SLC44A2: variants seen among roughly 807,000 people sequenced by gnomAD.
The protein encoded by SLC44A2 is solute carrier family 44 member 2 (CTL2 blood group), also known as choline transporter-like protein 2.
In SLC44A2, 57 loss-of-function variants were observed where a neutral mutation model predicts 90.8. That is an observed-to-expected ratio of 0.63 (90% confidence interval 0.51 to 0.78). The LOEUF is 0.78. Ranked by LOEUF, SLC44A2 falls within the 30% of genes least tolerant of loss-of-function variation. The pLI, the probability that SLC44A2 is intolerant of heterozygous loss-of-function variation, is 0.00. For missense variants in SLC44A2, 794 were observed against 919.7 expected (o/e 0.86, Z 1.77); for synonymous variants, 355 against 360.7 (o/e 0.98, Z 0.18).
chr19:10,632,918 C>T (rs2067013236), intron 10 of SLC44A2, among the ~76,000 whole-genome samples: 2 of 151,772 alleles, frequency 1.3e-5, no homozygotes, highest in Admixed American at 6.6e-5. Context: ...GAGATCTGCC[C>T]GCTTCAGCCT....
chr19:10,638,126 G>A (rs1163934980), intron 19 of SLC44A2, 33 bp downstream of exon 19: 2 of 1,613,802 alleles, frequency 1.2e-6, no homozygotes, highest in Admixed American at 1.7e-5. Flanking sequence ...CTCGGGGTGT[G>A]GGAGCCTGAT....
At position 10,643,303 on chromosome 19, in the gene SLC44A2, G is replaced by A; in HGVS notation, c.2039G>A (p.Gly680Asp). The change falls in exon 22 of 22, where the codon GGC becomes GAC. Residue 680 changes from glycine to aspartate, a missense_variant. Physicochemically the swap from Gly to Asp is moderately conservative, Grantham distance 94. Coordinates refer to ENST00000335757, the MANE Select transcript of SLC44A2 (RefSeq NM_020428.4). ...CFLEDLERNDGSAERPYFMSS... is the reference protein window; with the variant it reads ...CFLEDLERNDDSAERPYFMSS... ...GTGGAGGACCTGGAGAGGAATGACG[G>A]CTCGGCCGAGAGGCCTTACTTCATG... 6.2e-7 allele frequency: 1 copy of A among 1,610,574 alleles called. No individual in the cohort carries two copies. The highest frequency in any genetic ancestry group is 1.3e-5 in the African/African-American group (1 of 74,960).
chr19:10,638,237 TTTC>T lies in SLC44A2; in HGVS notation c.1861_1863del (p.Phe621del), dbSNP rs2067080087. 4 of 1,614,084 alleles carry T rather than the reference TTTC, an allele frequency of 2.5e-6. No individual in the cohort carries two copies. The highest frequency in any genetic ancestry group is 1.3e-5 in the African/African-American group (1 of 75,016). ...CTTCTCCTTCTCCAGGGATCCTGGC[TTTC>T]TTCTTCTTCACCCACCGTATCAGGA... is the stretch of plus-strand genomic sequence containing the variant. On this transcript the variant is annotated inframe_deletion, in exon 20 of 22. Coordinates refer to ENST00000335757, the MANE Select transcript of SLC44A2 (RefSeq NM_020428.4).
chr19:10,613,949 T>C (rs2066834518), intron 1 of SLC44A2, among the ~76,000 whole-genome samples: 1 of 151,960 alleles, frequency 6.6e-6, no homozygotes, highest in Non-Finnish European at 1.5e-5. Context: ...ATAATAAATT[T>C]GTGGTTTTTA....
chr19:10,634,175 A>T (rs1314974062), intron 10 of SLC44A2, among the ~76,000 whole-genome samples: 1 of 122,972 alleles, frequency 8.1e-6, no homozygotes, highest in African/African-American at 3.1e-5. Context: ...TTTTTAGTAG[A>T]CACGGGGTTT....
rs1746421079 is a variant in SLC44A2, at chr19:10,638,091, T to C, written c.1838T>C (p.Val613Ala). The C allele has an allele frequency of 6.2e-7, 1 of 1,613,792 alleles. No homozygotes were observed. Among genetic ancestry groups the C allele is most frequent in the African/African-American group, 1.3e-5 (1 of 74,820 alleles). ...GGCAAACTTCTGATCGTTGGTAGTG[T>C]GGGTGAGTGCCGCCCACCTAGCCTC... ...LLGKLLIVGS[V>A]GILAFFFFTH... Residue 613 changes from valine to alanine, a missense_variant and splice_region_variant, in exon 19 of 22, where the codon GTG (valine) becomes GCG (alanine). Physicochemically the swap from Val to Ala is moderately conservative, Grantham distance 64. Around this residue, in one of 3 missense-constraint regions of SLC44A2, gnomAD observed 738 missense variants for 841.1 expected, o/e 0.88. Coordinates refer to ENST00000335757, the MANE Select transcript of SLC44A2 (RefSeq NM_020428.4).
intron 20 of SLC44A2, among the ~76,000 whole-genome samples, chr19:10,639,358 G>A (rs951299839): frequency 6.6e-5 from 10 of 152,204 alleles, no homozygotes; most frequent in African/African-American, 2.4e-4. Context: ...GTGAATGTAT[G>A]ATTGCAAACT....
At position 10,636,729 on chromosome 19, in the gene SLC44A2, C is replaced by CTGGATGA; in HGVS notation, c.1565_1566insGGATGAT (p.Glu523AspfsTer39). ...CATTGTGCAGATCATCCGTGTGATA[C>CTGGATGA]TCGAGTACCTGGATCAGCGGCTGAA... On this transcript the variant is annotated frameshift_variant, in exon 16 of 22. Coordinates refer to ENST00000335757, the MANE Select transcript of SLC44A2 (RefSeq NM_020428.4). LOFTEE classifies it high-confidence loss of function. 1 of 1,613,972 alleles carries CTGGATGA rather than the reference C, an allele frequency of 6.2e-7. No homozygotes were observed. Among genetic ancestry groups the CTGGATGA allele is most frequent in the Non-Finnish European group, 8.5e-7 (1 of 1,179,932 alleles).
intron 20 of SLC44A2, among the ~76,000 whole-genome samples, chr19:10,640,314 C>A (rs1454782997): frequency 6.6e-6 from 1 of 152,144 alleles, no homozygotes; most frequent in Non-Finnish European, 1.5e-5. Context: ...TGGTCTCGAA[C>A]TCCTGACCTC....
rs574269009 is a variant in SLC44A2, at chr19:10,603,925, T to C, written c.31+1364T>C. 9.3e-4 allele frequency among the ~76,000 whole-genome samples: 141 copies of C among 152,278 alleles called. 2 individuals are homozygous for C. Among genetic ancestry groups the C allele is most frequent in the Admixed American group, 3.9e-4 (6 of 15,266 alleles). ...AGGGGCAGAATGGACAATGATATGATTCACCCAGCCTTGAATTTGGCCAAA... is the reference window on the plus strand; with the variant it reads ...AGGGGCAGAATGGACAATGATATGACTCACCCAGCCTTGAATTTGGCCAAA... On this transcript the variant is annotated intron_variant, in intron 1 of 21. Transcript: ENST00000407327.
upstream of SLC44A2, among the ~76,000 whole-genome samples, chr19:10,624,907 G>A (rs1464415811): frequency 1.3e-5 from 2 of 152,160 alleles, no homozygotes; most frequent in African/African-American, 2.4e-5. Flanking sequence ...GGCCACGGTG[G>A]GAGGAGCCCA....
chr19:10,641,238 A>G lies in SLC44A2; in HGVS notation c.1930-1129A>G, dbSNP rs1424592884. 1.1e-5 allele frequency: 4 copies of G among 354,320 alleles called. No individual in the cohort carries two copies. The East Asian group carries it at 2.3e-4, about 20-fold the overall frequency. 21.9% of individuals were successfully genotyped at this position (354,320 alleles called of 1,614,324 possible). On this transcript the variant is annotated intron_variant, in intron 20 of 21. Coordinates refer to ENST00000335757, the MANE Select transcript of SLC44A2 (RefSeq NM_020428.4). ...CAAAACCCCATCTCCACAAAAAAAT[A>G]CAAAAATTAGCTGGGTATGCTGGAA...
chr19:10,612,277 C>T (rs1344246276), intron 1 of SLC44A2, among the ~76,000 whole-genome samples: 1 of 151,746 alleles, frequency 6.6e-6, no homozygotes, highest in Admixed American at 6.6e-5. Context: ...GAGTCTGAGG[C>T]GGGAGGATCA....
chr19:10,630,292 G>A lies in SLC44A2; in HGVS notation c.246-765G>A, dbSNP rs566647408. Among the ~76,000 whole-genome samples, 4 of 152,114 alleles carry A rather than the reference G, an allele frequency of 2.6e-5. No homozygotes were observed. The South Asian group carries it at 8.3e-4, about 32-fold the overall frequency. On this transcript the variant is annotated intron_variant, in intron 4 of 21. Coordinates refer to ENST00000335757, the MANE Select transcript of SLC44A2 (RefSeq NM_020428.4). ...TTGATCCTAGGAGGTAGAGGCTGCA[G>A]TGAGCCAAGATTGTGCCACTGCTCG...
chr19:10,626,377 C>A, intron 2 of SLC44A2, 76 bp downstream of exon 2: 2 of 1,112,634 alleles, frequency 1.8e-6, no homozygotes, highest in Non-Finnish European at 2.7e-6. Flanking sequence ...CCCCTCCCAT[C>A]TGTTCTCCAA....
chr19:10,610,497 GATTTTTTTGT>G, intron 1 of SLC44A2, among the ~76,000 whole-genome samples: 1 of 143,206 alleles, frequency 7.0e-6, no homozygotes, highest in East Asian at 2.1e-4. Context: ...ATGCCCGGCT[GATTTTTTTGT>G]ATTTTTTTAG....
rs1441866549 is a variant in SLC44A2, at chr19:10,631,319, T to C, written c.375T>C (p.Asn125=). The C allele has an allele frequency of 1.9e-6, 3 of 1,614,048 alleles. No individual in the cohort carries two copies. Among genetic ancestry groups the C allele is most frequent in the East Asian group, 2.2e-5 (1 of 44,890 alleles). ...KCPDRYLTYL[N]ARSSRDFEYY... The stretch of plus-strand genomic sequence containing the variant: ...CCGACCGCTACCTCACGTACCTGAA[T>C]GCTCGCAGCTCCCGGGACTTTGAGT... The change falls in exon 6 of 22, where the codon AAT becomes AAC. Residue 125 remains asparagine (N), a synonymous_variant. Transcript: ENST00000335757.
intron 14 of SLC44A2, 91 bp from the exon 15 acceptor site, chr19:10,636,232 A>T (rs1169251400): frequency 4.1e-6 from 6 of 1,449,500 alleles, no homozygotes; most frequent in Non-Finnish European, 3.7e-6. Context: ...GTCCTACCTC[A>T]TGGTTTTCCT....
At chr19:10,616,950 C>T (rs8107037) in intron 1 of SLC44A2, among the ~76,000 whole-genome samples, 103,496 of 151,592 alleles carry the variant, frequency 0.68, 35,973 homozygotes, top group Non-Finnish European at 0.74. Context: ...GAGATGGAGT[C>T]TTGCTCTGTC....
Sources: gnomAD v4.1 joint callset for allele counts (sites outside exome capture counted in the v4.1 genomes callset) on GRCh38, gnomAD v4.1.1 for gene constraint, gnomAD v4.1.1 regional missense constraint, MANE v1.5 for transcripts, NCBI Gene and HGNC (gene_info 2026-07-23, HGNC 2026-07-21) for gene names.